Variants in PCBP3 observed in about 807,000 individuals in gnomAD.
The protein encoded by PCBP3 is poly(rC)-binding protein 3.
In PCBP3, 25 loss-of-function variants were observed where a neutral mutation model predicts 52.7. The observed-to-expected ratio is 0.47, with a 90% CI of 0.35 to 0.66. PCBP3 has a LOEUF of 0.66. Among genes scored for constraint, PCBP3 ranks in the 30% least tolerant of loss-of-function variants. The pLI is 0.01. For synonymous variants in PCBP3, 162 were observed against 183.0 expected (o/e 0.89, Z 0.93); for missense variants, 391 against 490.3 (o/e 0.80, Z 1.91).
At chr21:45,732,560 A>T in intron 2 of PCBP3, among the ~76,000 whole-genome samples, 1 of 142,542 alleles carries the variant, frequency 7.0e-6, no homozygotes, top group Non-Finnish European at 1.5e-5. Context: ...GTTTAATGTT[A>T]TTTATTTATT....
At chr21:45,764,907 G>A (rs569408817) in intron 4 of PCBP3, among the ~76,000 whole-genome samples, 12 of 152,184 alleles carry the variant, frequency 7.9e-5, no homozygotes, top group South Asian at 2.1e-4. Flanking sequence ...CTCTTGGAAG[G>A]GGGGAGGTCT....
chr21:45,763,963 A>T (rs1182542666), intron 4 of PCBP3, among the ~76,000 whole-genome samples: 1 of 152,228 alleles, frequency 6.6e-6, no homozygotes, highest in Non-Finnish European at 1.5e-5. Flanking sequence ...TTCTAATAAT[A>T]CGGTGTTTTG....
chr21:45,891,058 A>G (rs563898000), intron 5 of PCBP3, among the ~76,000 whole-genome samples: 1 of 151,502 alleles, frequency 6.6e-6, no homozygotes, highest in African/African-American at 2.4e-5. Context: ...GGAACTCTGC[A>G]TTGCTGAGGG....
Position 45,927,188 on chromosome 21 carries a change from A to G in PCBP3, c.718-2729A>G, listed in dbSNP as rs2075528676. Among the ~76,000 whole-genome samples, 3 of 140,444 alleles carry G rather than the reference A, an allele frequency of 2.1e-5. No homozygotes were observed. In the South Asian group the frequency reaches 7.2e-4, roughly 34 times the overall value. The allele number at this position is 140,444 out of a possible 152,430, so 92.1% of individuals were successfully genotyped here. On this transcript the variant is annotated intron_variant, in intron 13 of 17. Coordinates refer to ENST00000681687, the MANE Select transcript of PCBP3 (RefSeq NM_001384156.1). ...TAATTTTAGTAGTTGTCTATGTGTT[A>G]CATTCTGAAACAATGTGAAATAGAA...
intron 5 of PCBP3, among the ~76,000 whole-genome samples, chr21:45,890,834 C>A (rs537541137): frequency 6.7e-6 from 1 of 149,952 alleles, no homozygotes; most frequent in East Asian, 2.0e-4. Context: ...GATAATAGAA[C>A]CTGGAACTCT....
chr21:45,649,041 T>C lies in PCBP3; in HGVS notation c.-279+5173T>C, dbSNP rs140196321. On this transcript the variant is annotated intron_variant, in intron 1 of 17. Transcript: ENST00000681687. ...CTACAAGGTAATTGTTTTAGTCCAT[T>C]TTCATGCTGCTGATAAAGACATACC... Among the ~76,000 whole-genome samples, 7 of 152,330 alleles carry C rather than the reference T, an allele frequency of 4.6e-5. No individual in the cohort carries two copies. The East Asian group carries it at 1.2e-3, about 25-fold the overall frequency.
intron 5 of PCBP3, among the ~76,000 whole-genome samples, chr21:45,874,854 C>T (rs1330371698): frequency 6.6e-6 from 1 of 152,184 alleles, no homozygotes. Flanking sequence ...TGCCCGTGTC[C>T]CCTGTGCTGC....
intron 5 of PCBP3, among the ~76,000 whole-genome samples, chr21:45,892,927 AG>A: frequency 6.6e-6 from 1 of 151,752 alleles, no homozygotes; most frequent in Admixed American, 6.5e-5. Context: ...AAATCAGCGC[AG>A]GGAACTCTGG....
At chr21:45,764,134 G>C (rs1000956414) in intron 4 of PCBP3, among the ~76,000 whole-genome samples, 2 of 86,408 alleles carry the variant, frequency 2.3e-5, no homozygotes, top group Non-Finnish European at 4.9e-5. Context: ...TTTTTTTTTT[G>C]TTTTTGAGAT....
chr21:45,727,801 A>G (rs1377441115), intron 2 of PCBP3, among the ~76,000 whole-genome samples: 2 of 152,208 alleles, frequency 1.3e-5, no homozygotes, highest in Non-Finnish European at 2.9e-5. Context: ...GGAATTGGCT[A>G]ACGCTGGGAG....
chr21:45,900,621 G>A lies in PCBP3; in HGVS notation c.220G>A (p.Glu74Lys). 1 of 1,598,606 alleles carries A rather than the reference G, an allele frequency of 6.3e-7. No individual in the cohort carries two copies. The highest frequency in any genetic ancestry group is 8.6e-7 in the Non-Finnish European group (1 of 1,168,946). Residue 74 changes from glutamate (E) to lysine (K), a missense_variant and splice_region_variant, in exon 8 of 18, where the codon GAG becomes AAG. Transcript: ENST00000681687. Reference sequence around the variant, plus strand: ...AGAAACTGTGAAGAAGATGCGTGAGGAGGTGAGTGTGGTGGGTCCCCACCT... The same window carrying A: ...AGAAACTGTGAAGAAGATGCGTGAGAAGGTGAGTGTGGTGGGTCCCCACCT... ...KGETVKKMRE[E>K]SGARINISEG...
At chr21:45,923,587 G>A (rs770538319) in intron 13 of PCBP3, among the ~76,000 whole-genome samples, 175 of 152,264 alleles carry the variant, frequency 1.1e-3, no homozygotes, top group South Asian at 6.2e-4. Context: ...TCACTGGCCC[G>A]TGGAGGTCTG....
At chr21:45,648,053 T>C (rs1267850415) in intron 1 of PCBP3, among the ~76,000 whole-genome samples, 1 of 152,170 alleles carries the variant, frequency 6.6e-6, no homozygotes, top group Non-Finnish European at 1.5e-5. Context: ...AGTCAAGGAA[T>C]GTGGGAAGCC....
At chr21:45,703,182 C>T (rs1428003760) in intron 2 of PCBP3, among the ~76,000 whole-genome samples, 1 of 152,254 alleles carries the variant, frequency 6.6e-6, no homozygotes, top group Non-Finnish European at 1.5e-5. Flanking sequence ...GAATCAACTT[C>T]TTCCAAACTC....
intron 12 of PCBP3, chr21:45,916,226 C>A (rs186144076): frequency 1.3e-5 from 2 of 152,246 alleles, no homozygotes; most frequent in Non-Finnish European, 2.9e-5. Context: ...CCTGGGACCC[C>A]GTGCGCTGAG....
At chr21:45,752,385 G>A (rs1036162012) in intron 3 of PCBP3, among the ~76,000 whole-genome samples, 1 of 150,560 alleles carries the variant, frequency 6.6e-6, no homozygotes, top group Non-Finnish European at 1.5e-5. Context: ...ATTTATATTG[G>A]ATGTTTGCTC....
At chr21:45,777,697 T>A (rs1271290548) in intron 4 of PCBP3, among the ~76,000 whole-genome samples, 1 of 152,160 alleles carries the variant, frequency 6.6e-6, no homozygotes, top group African/African-American at 2.4e-5. Flanking sequence ...TTTAGCCTAT[T>A]GTTGAAGCTT....
intron 2 of PCBP3, among the ~76,000 whole-genome samples, chr21:45,720,375 C>T (rs544947779): frequency 1.4e-4 from 21 of 152,176 alleles, no homozygotes; most frequent in Non-Finnish European, 2.8e-4. Flanking sequence ...CAGCTTCATC[C>T]ATGTCCCTGC....
At chr21:45,806,171 A>G (rs1476368771) in intron 4 of PCBP3, among the ~76,000 whole-genome samples, 3 of 152,250 alleles carry the variant, frequency 2.0e-5, no homozygotes, top group Non-Finnish European at 4.4e-5. Flanking sequence ...CCGGCTGCAG[A>G]ATCGCAGAAT....
Sources: allele counts gnomAD v4.1 joint callset (sites outside exome capture counted in the v4.1 genomes callset), GRCh38; gene constraint gnomAD v4.1.1; transcripts MANE v1.5; gene names NCBI Gene and HGNC (gene_info 2026-07-23, HGNC 2026-07-21).